Variants in CFAP251 observed in about 807,000 individuals in gnomAD.
The protein encoded by CFAP251 is cilia- and flagella-associated protein 251.
In CFAP251, 93 loss-of-function variants were observed where a neutral mutation model predicts 126.7. The observed-to-expected ratio is 0.73, with a 90% CI of 0.62 to 0.87. The LOEUF is 0.87. Among genes scored for constraint, CFAP251 ranks in the 40% least tolerant of loss-of-function variants. CFAP251 has a pLI of 0.00. For synonymous variants in CFAP251, 503 were observed against 506.9 expected (o/e 0.99, Z 0.10); for missense variants, 1,287 against 1,389.2 (o/e 0.93, Z 1.17).
rs140082126 is a variant in CFAP251 at position 121,962,117 on chromosome 12, G to T, written c.2447G>T (p.Ser816Ile). The change falls in exon 15 of 22, where the codon AGT (serine) becomes ATT (isoleucine). Residue 816 changes from serine (S) to isoleucine (I), a missense_variant. Ser to Ile is a moderately radical substitution (Grantham distance 142). Transcript: ENST00000288912. ...TRELFLLICN[S>I]GYKVKLFNAT... is the part of the protein sequence containing the mutation. ...GAACTCTTCCTGCTTATTTGCAACA[G>T]TGGCTACAAAGTGAAGCTTTTTAAT... The T allele has an allele frequency of 6.2e-7, 1 of 1,613,902 alleles. No individual in the cohort carries two copies. The highest frequency in any genetic ancestry group is 8.5e-7 in the Non-Finnish European group (1 of 1,180,024).
intron 15 of CFAP251, among the ~76,000 whole-genome samples, chr12:121,963,578 C>T (rs1367474613): frequency 2.7e-5 from 4 of 150,616 alleles, no homozygotes; most frequent in African/African-American, 9.8e-5. Flanking sequence ...ATCTGCAGCC[C>T]AGCATCCTAG....
intron 20 of CFAP251, among the ~76,000 whole-genome samples, 161 bp from the exon 21 acceptor site, chr12:122,001,336 A>G (rs1167419464): frequency 1.3e-5 from 2 of 151,968 alleles, no homozygotes; most frequent in Non-Finnish European, 2.9e-5. Context: ...GATTACAGGC[A>G]TGAGCCACCA....
intron 17 of CFAP251, chr12:121,971,438 A>G (rs1882324898): frequency 1.5e-6 from 1 of 674,558 alleles, no homozygotes; most frequent in Non-Finnish European, 2.7e-6. Flanking sequence ...AGAAAGGTGT[A>G]GGAGTGTGCT....
chr12:121,963,055 G>C (rs538402482), intron 15 of CFAP251, among the ~76,000 whole-genome samples: 211 of 152,292 alleles, frequency 1.4e-3, no homozygotes, highest in Non-Finnish European at 2.2e-3. Flanking sequence ...GTTTTGAGCA[G>C]GGGAGTGACA....
At chr12:121,924,271 G>A (rs1880314359) in intron 3 of CFAP251, among the ~76,000 whole-genome samples, 1 of 151,882 alleles carries the variant, frequency 6.6e-6, no homozygotes, top group Non-Finnish European at 1.5e-5. Context: ...CACCACGCCT[G>A]GCTAATTTTT....
chr12:121,920,189 G>GA (rs1166354917), intron 1 of CFAP251, among the ~76,000 whole-genome samples: 312 of 62,572 alleles, frequency 5.0e-3, no homozygotes, highest in Middle Eastern at 0.011. Flanking sequence ...TGTCTCAAGA[G>GA]AAAAAAAAAA....
intron 11 of CFAP251, 152 bp from the exon 12 acceptor site, chr12:121,958,120 G>C: frequency 4.4e-6 from 5 of 1,139,322 alleles, no homozygotes; most frequent in South Asian, 3.0e-5. Context: ...GAGGCTGTTG[G>C]GTATTGGTGG....
chr12:121,940,620 T>G (rs1881072434), intron 5 of CFAP251, among the ~76,000 whole-genome samples: 1 of 152,196 alleles, frequency 6.6e-6, no homozygotes, highest in South Asian at 2.1e-4. Flanking sequence ...CCAGTGGGAA[T>G]CAGCAGACCT....
intron 4 of CFAP251, 152 bp downstream of exon 4, chr12:121,932,038 A>G (rs1012590184): frequency 1.1e-5 from 7 of 650,062 alleles, no homozygotes; most frequent in African/African-American, 7.5e-5. Context: ...TTAGAAACAC[A>G]TGGTATTGTT....
At chr12:121,951,913 G>A (rs1350182794) in intron 9 of CFAP251, among the ~76,000 whole-genome samples, 2 of 151,636 alleles carry the variant, frequency 1.3e-5, no homozygotes, top group Non-Finnish European at 2.9e-5. Flanking sequence ...TAGTAGAGAC[G>A]GGGTTTCACT....
Position 121,923,887 on chromosome 12 carries a change from C to A in CFAP251, c.644C>A (p.Ser215Tyr), listed in dbSNP as rs1201016347. The change falls in exon 3 of 22, where the codon TCC becomes TAC. Residue 215 changes from serine to tyrosine, a missense_variant. By Grantham distance (144) the Ser-to-Tyr change is moderately radical (BLOSUM62 -2). Coordinates refer to ENST00000288912, the MANE Select transcript of CFAP251 (RefSeq NM_144668.6). ...NREEGQERRV[S>Y]DIQSKAGISR... ...GAGGAGGGACAAGAAAGGAGAGTAT[C>A]CGACATCCAGTCCAAAGCAGGGATC... 13 of 1,614,116 alleles carry A rather than the reference C, an allele frequency of 8.1e-6. No homozygotes were observed. Among genetic ancestry groups the A allele is most frequent in the Non-Finnish European group, 1.1e-5 (13 of 1,180,036 alleles).
intron 19 of CFAP251, among the ~76,000 whole-genome samples, chr12:121,994,527 T>C (rs1208623903): frequency 1.7e-4 from 12 of 71,078 alleles, no homozygotes; most frequent in African/African-American, 6.7e-4. Flanking sequence ...GCGGGAAAGG[T>C]GGGGAAAAGA....
intron 19 of CFAP251, among the ~76,000 whole-genome samples, chr12:121,982,435 A>G (rs1479843403): frequency 6.6e-6 from 1 of 150,750 alleles, no homozygotes; most frequent in Non-Finnish European, 1.5e-5. Flanking sequence ...GCTGGAGTGC[A>G]ATGGCGCCAT....
At chr12:121,968,827 A>G (rs999000888) in intron 17 of CFAP251, 15 of 928,144 alleles carry the variant, frequency 1.6e-5, no homozygotes, top group South Asian at 5.0e-5. Flanking sequence ...AAAAGCACCT[A>G]GTACAGAGCA....
intron 15 of CFAP251, among the ~76,000 whole-genome samples, chr12:121,962,966 A>G (rs1881995154): frequency 6.6e-6 from 1 of 152,196 alleles, no homozygotes; most frequent in Admixed American, 6.5e-5. Context: ...AGAGCAGGTC[A>G]GAGGTACGGG....
In CFAP251 at chr12:121,959,068, C is replaced by T. The variant is rs758377242; in HGVS notation, c.2107C>T (p.His703Tyr). The part of the protein sequence containing the change: ...RTSVTHISFS[H>Y]DSQYMATADR... ...CAGTGTGACTCATATAAGCTTTTCC[C>T]ATGACTCCCAGTATATGGCAACTGC... is the stretch of plus-strand genomic sequence containing the variant. Residue 703 changes from histidine to tyrosine, a missense_variant, in exon 13 of 22, where the codon CAT becomes TAT. By Grantham distance (83) the His-to-Tyr change is moderately conservative. Transcript: ENST00000288912. 1 of 1,606,338 alleles carries T rather than the reference C, an allele frequency of 6.2e-7. No individual in the cohort carries two copies. The highest frequency in any genetic ancestry group is 8.5e-7 in the Non-Finnish European group (1 of 1,177,960).
At chr12:121,976,605 G>T (rs921249183) in intron 19 of CFAP251, among the ~76,000 whole-genome samples, 4 of 152,286 alleles carry the variant, frequency 2.6e-5, no homozygotes, top group Admixed American at 2.0e-4. Context: ...CATGTAAACT[G>T]TTGTTTAAAG....
At position 121,958,282 on chromosome 12, in the gene CFAP251, A is replaced by G; in HGVS notation, c.1741A>G (p.Ile581Val). 1 of 1,614,082 alleles carries G rather than the reference A, an allele frequency of 6.2e-7. No homozygotes were observed. The highest frequency in any genetic ancestry group is 8.5e-7 in the Non-Finnish European group (1 of 1,179,928). ...CTCCTTGGCAAACAGGAATTTTATC[A>G]TTGGAACATCTGATGCCGCGGTGTA... is the stretch of plus-strand genomic sequence containing the variant. ...GDLFVLRNFI[I>V]GTSDAAVYHL... Residue 581 changes from isoleucine (I) to valine (V), a missense_variant, in exon 12 of 22, where the codon ATT becomes GTT. Ile to Val is a conservative substitution (Grantham distance 29, BLOSUM62 3). Transcript: ENST00000288912.
Position 121,979,498 on chromosome 12 carries a change from G to A in CFAP251, c.3006+3813G>A, listed in dbSNP as rs376900106. On this transcript the variant is annotated intron_variant, in intron 19 of 21. Coordinates refer to ENST00000288912, the MANE Select transcript of CFAP251 (RefSeq NM_144668.6). ...TCCTGGGGGTGCTCACTGCGGAGCC[G>A]CCGACATTTGAAGAGAGGGAGGGGC... is the stretch of plus-strand genomic sequence containing the variant. 3.1e-4 allele frequency among the ~76,000 whole-genome samples: 46 copies of A among 149,056 alleles called. No individual in the cohort carries two copies. The East Asian group carries it at 3.8e-3, about 12-fold the overall frequency.
Sources: gnomAD v4.1 joint callset for allele counts (sites outside exome capture counted in the v4.1 genomes callset) on GRCh38, gnomAD v4.1.1 for gene constraint, MANE v1.5 for transcripts, NCBI Gene and HGNC (gene_info 2026-07-23, HGNC 2026-07-21) for gene names.